Variants in EXOC6B observed in about 807,000 individuals in gnomAD.
EXOC6B encodes the protein exocyst complex component 6B.
EXOC6B carries 54 observed loss-of-function variants against 113.5 expected under a neutral mutation model. The ratio of observed to expected loss-of-function variants is 0.48; its 90% CI spans 0.38 to 0.60. The LOEUF (loss-of-function observed/expected upper bound fraction) is 0.60. Ranked by LOEUF, EXOC6B falls within the 20% of genes least tolerant of loss-of-function variation. The probability of loss-of-function intolerance (pLI) is 0.00; values close to 1 mark genes in which losing one functional copy is unlikely to be tolerated. For missense variants in EXOC6B, 797 were observed against 977.5 expected (o/e 0.82, Z 2.46); for synonymous variants, 357 against 339.0 (o/e 1.05, Z -0.58).
chr2:72,468,033 A>T (rs1698162222), intron 17 of EXOC6B, among the ~76,000 whole-genome samples: 4 of 152,116 alleles, frequency 2.6e-5, no homozygotes. Context: ...AGCCTCCTAA[A>T]GTGCTGGGAT....
chr2:72,237,408 C>T (rs1053939234), intron 20 of EXOC6B, among the ~76,000 whole-genome samples: 1 of 151,994 alleles, frequency 6.6e-6, no homozygotes, highest in Non-Finnish European at 1.5e-5. Flanking sequence ...TCAAATCAAA[C>T]ATGTTTAATA....
chr2:72,687,182 T>G (rs1677147909), intron 6 of EXOC6B, among the ~76,000 whole-genome samples: 1 of 152,092 alleles, frequency 6.6e-6, no homozygotes, highest in Non-Finnish European at 1.5e-5. Context: ...TTCCCAACTT[T>G]CATTCTTATG....
intron 18 of EXOC6B, among the ~76,000 whole-genome samples, chr2:72,426,734 TG>T (rs1335453034): frequency 2.0e-5 from 3 of 152,366 alleles, no homozygotes; most frequent in African/African-American, 7.2e-5. Context: ...TAAGTGTTAC[TG>T]GTAAGAACTT....
At chr2:72,665,867 A>T (rs1290779151) in intron 6 of EXOC6B, among the ~76,000 whole-genome samples, 3 of 152,184 alleles carry the variant, frequency 2.0e-5, no homozygotes, top group African/African-American at 7.2e-5. Flanking sequence ...TAAACAGTCT[A>T]AATACCCCAC....
rs76626425 is a variant in EXOC6B at position 72,395,756 on chromosome 2, C to T, written c.1981-15886G>A. ...GTGACCTTTGGGACAGTTATTTAAT[C>T]TTGGTTAGACTGATCTTCCTCAGTA... is the stretch of plus-strand genomic sequence containing the variant. On this transcript the variant is annotated intron_variant, in intron 18 of 21. Transcript: ENST00000272427. 8.1e-3 allele frequency among the ~76,000 whole-genome samples: 1,232 copies of T among 152,168 alleles called. 27 individuals are homozygous for T. The highest frequency in any genetic ancestry group is 0.028 in the African/African-American group (1,158 of 41,536).
intron 20 of EXOC6B, among the ~76,000 whole-genome samples, chr2:72,209,522 T>G (rs1384223227): frequency 6.6e-6 from 1 of 152,108 alleles, no homozygotes; most frequent in Non-Finnish European, 1.5e-5. Context: ...TCCAAAAATT[T>G]TTTTTTCAGG....
chr2:72,746,785 T>G (rs1681725507), intron 1 of EXOC6B, among the ~76,000 whole-genome samples: 1 of 151,962 alleles, frequency 6.6e-6, no homozygotes, highest in Non-Finnish European at 1.5e-5. Context: ...CTTGCCAACT[T>G]CACATAGCTA....
intron 8 of EXOC6B, among the ~76,000 whole-genome samples, chr2:72,549,282 A>T (rs1325197953): frequency 1.3e-5 from 2 of 152,176 alleles, no homozygotes; most frequent in African/African-American, 4.8e-5. Flanking sequence ...TCAGATTTGT[A>T]TGTTGAATAG....
chr2:72,503,610 G>A (rs1443098117), intron 11 of EXOC6B, among the ~76,000 whole-genome samples: 1 of 152,124 alleles, frequency 6.6e-6, no homozygotes, highest in South Asian at 2.1e-4. Flanking sequence ...GACAAACATG[G>A]TTGCTTCCAT....
intron 1 of EXOC6B, among the ~76,000 whole-genome samples, chr2:72,795,272 T>C (rs1333111906): frequency 2.0e-5 from 3 of 152,178 alleles, no homozygotes; most frequent in African/African-American, 7.2e-5. Flanking sequence ...ATAATTTTGG[T>C]GAAAGGAACA....
intron 6 of EXOC6B, among the ~76,000 whole-genome samples, chr2:72,612,138 G>A (rs2104098057): frequency 6.6e-6 from 1 of 152,192 alleles, no homozygotes; most frequent in East Asian, 1.9e-4. Context: ...AGCCAGGCGT[G>A]GAGGAGCACA....
At chr2:72,512,355 G>A (rs1267975209) in intron 11 of EXOC6B, among the ~76,000 whole-genome samples, 2 of 8,588 alleles carry the variant, frequency 2.3e-4, no homozygotes, top group African/African-American at 5.0e-4. Context: ...AAGGAAGGAA[G>A]GAAGGAAGGA....
At chr2:72,501,711 A>C (rs999521858) in intron 11 of EXOC6B, among the ~76,000 whole-genome samples, 1 of 150,868 alleles carries the variant, frequency 6.6e-6, no homozygotes, top group Non-Finnish European at 1.5e-5. Flanking sequence ...AGTCTTCATT[A>C]AAAAAACAAC....
At chr2:72,563,551 AATAAAT>A (rs1171158692) in intron 7 of EXOC6B, among the ~76,000 whole-genome samples, 2 of 152,272 alleles carry the variant, frequency 1.3e-5, no homozygotes, top group African/African-American at 2.4e-5. Context: ...GATGTTACAA[AATAAAT>A]ATAAACTTTA....
intron 1 of EXOC6B, among the ~76,000 whole-genome samples, chr2:72,792,234 C>T (rs77284070): frequency 0.055 from 8,300 of 152,270 alleles, 758 homozygotes; most frequent in African/African-American, 0.19. Flanking sequence ...AAATCCCAGC[C>T]TGGCCACTTG....
intron 20 of EXOC6B, among the ~76,000 whole-genome samples, chr2:72,330,642 T>C (rs1174531543): frequency 6.6e-6 from 1 of 152,076 alleles, no homozygotes; most frequent in African/African-American, 2.4e-5. Context: ...CACGGCCTCT[T>C]TTTGCACTTA....
chr2:72,653,607 C>CCT (rs1553460772), intron 6 of EXOC6B, among the ~76,000 whole-genome samples: 1 of 143,948 alleles, frequency 6.9e-6, no homozygotes, highest in African/African-American at 2.8e-5. Flanking sequence ...AACCCCCCCC[C>CCT]AAAAAGAAAG....
intron 8 of EXOC6B, among the ~76,000 whole-genome samples, chr2:72,523,780 CAAAAAAAAAAAA>C (rs11334254): frequency 2.1e-3 from 136 of 63,758 alleles, no homozygotes; most frequent in African/African-American, 7.9e-3. Flanking sequence ...GACTCCATCT[CAAAAAAAAAAAA>C]AAAAAAAAAA....
At chr2:72,449,684 C>T (rs1696800641) in intron 18 of EXOC6B, among the ~76,000 whole-genome samples, 1 of 152,118 alleles carries the variant, frequency 6.6e-6, no homozygotes, top group Non-Finnish European at 1.5e-5. Flanking sequence ...AGTTTAATGT[C>T]TAATATGCTT....
Sources: gnomAD v4.1 joint callset for allele counts (sites outside exome capture counted in the v4.1 genomes callset) on GRCh38, gnomAD v4.1.1 for gene constraint, MANE v1.5 for transcripts, NCBI Gene and HGNC (gene_info 2026-07-23, HGNC 2026-07-21) for gene names.